LINGO2: variants seen among roughly 807,000 people sequenced by gnomAD.
LINGO2 encodes leucine-rich repeat and immunoglobulin-like domain-containing nogo receptor-interacting protein 2.
Under a neutral mutation model 30.6 loss-of-function variants are expected in LINGO2, and 14 were observed. That is an observed-to-expected ratio of 0.46 (90% CI 0.30 to 0.72). The LOEUF is 0.72. LINGO2 is among the 30% of genes least tolerant of loss of function. The probability of loss-of-function intolerance (pLI) is 0.07; values close to 1 mark genes in which losing one functional copy is unlikely to be tolerated. For missense variants in LINGO2, 729 were observed against 751.7 expected (o/e 0.97, Z 0.35); for synonymous variants, 317 against 288.5 (o/e 1.10, Z -1.00).
chr9:28,640,045 G>C (rs1237815573), intron 1 of LINGO2, among the ~76,000 whole-genome samples: 2 of 152,056 alleles, frequency 1.3e-5, no homozygotes, highest in Non-Finnish European at 2.9e-5. Flanking sequence ...GCATTTGCTT[G>C]TCTGTAAAGG....
the LINGO2 span, among the ~76,000 whole-genome samples, chr9:29,152,382 T>A: frequency 1.3e-5 from 2 of 152,184 alleles, no homozygotes; most frequent in African/African-American, 2.4e-5. Flanking sequence ...GCAGCACTAT[T>A]CACAATAGCA....
At chr9:28,135,813 G>A (rs939225294) in intron 4 of LINGO2, among the ~76,000 whole-genome samples, 3 of 151,978 alleles carry the variant, frequency 2.0e-5, no homozygotes, top group Admixed American at 2.0e-4. Flanking sequence ...GGCTTCTAAG[G>A]TATTTACCAG....
At chr9:29,202,726 T>C in the LINGO2 span, among the ~76,000 whole-genome samples, 2 of 152,070 alleles carry the variant, frequency 1.3e-5, no homozygotes, top group South Asian at 4.1e-4. Flanking sequence ...AACATAATCA[T>C]GGAACCTTCG....
chr9:28,860,432 A>C, the LINGO2 span, among the ~76,000 whole-genome samples: 1 of 152,028 alleles, frequency 6.6e-6, no homozygotes, highest in African/African-American at 2.4e-5. Context: ...TTGCCAGAAG[A>C]TTAGATTGCA....
At chr9:29,191,251 C>A in the LINGO2 span, among the ~76,000 whole-genome samples, 550 of 152,186 alleles carry the variant, frequency 3.6e-3, 2 homozygotes, top group African/African-American at 0.013. Context: ...CTGTTAGGTG[C>A]ATTTAAATGC....
At chr9:29,188,837 C>T in the LINGO2 span, among the ~76,000 whole-genome samples, 8 of 132,646 alleles carry the variant, frequency 6.0e-5, no homozygotes, top group African/African-American at 2.3e-4. Flanking sequence ...GGGCTGACCC[C>T]CCCGCCACCT....
chr9:28,031,472 C>A (rs1823667692), intron 4 of LINGO2, among the ~76,000 whole-genome samples: 1 of 147,136 alleles, frequency 6.8e-6, no homozygotes, highest in Admixed American at 6.7e-5. Context: ...CTAATTGAAT[C>A]CATCACCTTA....
the LINGO2 span, among the ~76,000 whole-genome samples, chr9:28,758,925 C>T: frequency 1.3e-5 from 2 of 152,016 alleles, no homozygotes; most frequent in Non-Finnish European, 2.9e-5. Flanking sequence ...TTAGACTGCC[C>T]TCAAATCTAA....
chr9:28,927,805 C>T, the LINGO2 span, among the ~76,000 whole-genome samples: 1 of 152,136 alleles, frequency 6.6e-6, no homozygotes, highest in Non-Finnish European at 1.5e-5. Flanking sequence ...GAGGCCAGTG[C>T]TCTTTATCAT....
At chr9:28,589,812 A>C (rs1173112722) in intron 1 of LINGO2, among the ~76,000 whole-genome samples, 3 of 152,094 alleles carry the variant, frequency 2.0e-5, no homozygotes, top group East Asian at 1.9e-4. Flanking sequence ...TTTAAAGTTC[A>C]TATGGAACCA....
the LINGO2 span, among the ~76,000 whole-genome samples, chr9:28,869,392 A>G: frequency 6.6e-6 from 1 of 152,210 alleles, no homozygotes; most frequent in Admixed American, 6.6e-5. Flanking sequence ...TGACTTCTAT[A>G]GAGGGTTTAA....
chr9:28,096,121 A>G (rs557282421), intron 4 of LINGO2, among the ~76,000 whole-genome samples: 11 of 152,284 alleles, frequency 7.2e-5, no homozygotes, highest in Admixed American at 6.5e-4. Context: ...AGCCTGAGTG[A>G]CAGAGCAAGA....
intron 1 of LINGO2, among the ~76,000 whole-genome samples, chr9:28,635,638 C>T (rs61699383): frequency 0.099 from 15,076 of 151,838 alleles, 1,049 homozygotes; most frequent in Admixed American, 0.24. Context: ...TAATTAATTA[C>T]TAAATAAGGT....
chr9:28,939,320 T>C, the LINGO2 span, among the ~76,000 whole-genome samples: 1 of 152,204 alleles, frequency 6.6e-6, no homozygotes, highest in African/African-American at 2.4e-5. Context: ...GCTCACTAAC[T>C]GGCTTCCCCA....
At chr9:28,517,002 A>G (rs2135386011) in intron 1 of LINGO2, among the ~76,000 whole-genome samples, 1 of 152,326 alleles carries the variant, frequency 6.6e-6, no homozygotes, top group East Asian at 1.9e-4. Context: ...GTGGCAATAC[A>G]TACAACTTGG....
At chr9:29,128,255 T>C in the LINGO2 span, among the ~76,000 whole-genome samples, 1 of 152,008 alleles carries the variant, frequency 6.6e-6, no homozygotes, top group East Asian at 1.9e-4. Context: ...GACCTTAACA[T>C]CTCCAAAGGG....
chr9:28,696,606 C>G, the LINGO2 span, among the ~76,000 whole-genome samples: 3 of 151,550 alleles, frequency 2.0e-5, no homozygotes, highest in African/African-American at 7.3e-5. Flanking sequence ...TGCTTAAACT[C>G]TAAAAGAAAA....
At chr9:28,901,560 A>G in the LINGO2 span, among the ~76,000 whole-genome samples, 1 of 149,814 alleles carries the variant, frequency 6.7e-6, no homozygotes, top group East Asian at 1.9e-4. Context: ...TCAAAAACAT[A>G]AAATGTATGC....
chr9:28,031,971 T>C (rs1000285886), intron 4 of LINGO2, among the ~76,000 whole-genome samples: 1 of 151,660 alleles, frequency 6.6e-6, no homozygotes, highest in East Asian at 1.9e-4. Flanking sequence ...TAAAAGTTGT[T>C]TGGAGATTAG....
Sources: allele counts gnomAD v4.1 joint callset (sites outside exome capture counted in the v4.1 genomes callset), GRCh38; gene constraint gnomAD v4.1.1; transcripts MANE v1.5; gene names NCBI Gene and HGNC (gene_info 2026-07-23, HGNC 2026-07-21).